Variants in ADIPOR2 observed in about 807,000 individuals in gnomAD.
ADIPOR2 encodes the protein adiponectin receptor 2, also known as adiponectin receptor protein 2.
ADIPOR2 carries 18 observed loss-of-function variants against 40.9 expected under a neutral mutation model. The observed-to-expected ratio is 0.44, with a 90% confidence interval of 0.30 to 0.65. The LOEUF (loss-of-function observed/expected upper bound fraction) is 0.65. Among genes scored for constraint, ADIPOR2 ranks in the 30% least tolerant of loss-of-function variants. The pLI is 0.09. For synonymous variants in ADIPOR2, 165 were observed against 166.4 expected (o/e 0.99, Z 0.06); for missense variants, 283 against 479.2 (o/e 0.59, Z 3.82).
At chr12:1,773,447 A>G (rs2154444194) in intron 3 of ADIPOR2, among the ~76,000 whole-genome samples, 1 of 151,068 alleles carries the variant, frequency 6.6e-6, no homozygotes, top group African/African-American at 2.4e-5. Flanking sequence ...TTCAGCTGGT[A>G]TACATTCTGT....
Position 1,784,040 on chromosome 12 carries a change from C to G in ADIPOR2, c.999C>G (p.Pro333=). Residue 333 remains proline, a synonymous_variant, in exon 7 of 8, where the codon CCC becomes CCG. Transcript: ENST00000357103. ...TGAALYAARI[P]ERFFPGKCDI... ...CTGCCCTGTATGCTGCCCGGATCCC[C>G]GAACGCTTTTTCCCTGGCAAATGTG... is the stretch of plus-strand genomic sequence containing the variant. 6.2e-7 allele frequency: 1 copy of G among 1,602,014 alleles called. No individual in the cohort carries two copies. Among genetic ancestry groups the G allele is most frequent in the Non-Finnish European group, 8.5e-7 (1 of 1,173,250 alleles).
At chr12:1,740,630 G>A (rs1057374524) in intron 1 of ADIPOR2, among the ~76,000 whole-genome samples, 1 of 152,192 alleles carries the variant, frequency 6.6e-6, no homozygotes, top group Non-Finnish European at 1.5e-5. Context: ...AGTGCACACC[G>A]CCAGGGAATT....
At position 1,781,777 on chromosome 12, in the gene ADIPOR2, A is replaced by G. The variant is rs138464319; in HGVS notation, c.838+701A>G. On this transcript the variant is annotated intron_variant, in intron 6 of 7. Transcript: ENST00000357103. ...CTTTCGTCCTTAAACCCCCAAAACC[A>G]TTTAGTATTAAAATCTAAACCCTGG... is the stretch of plus-strand genomic sequence containing the variant. 6.1e-3 allele frequency among the ~76,000 whole-genome samples: 935 copies of G among 152,302 alleles called. 10 individuals carry two copies. The highest frequency in any genetic ancestry group is 0.021 in the African/African-American group (889 of 41,568).
intron 1 of ADIPOR2, among the ~76,000 whole-genome samples, chr12:1,732,000 TA>T (rs71055189): frequency 0.8 from 118,706 of 148,448 alleles, 48,136 homozygotes; most frequent in East Asian, 0.9. Context: ...CAAGTTTATT[TA>T]AAAAAAAAAA....
intron 1 of ADIPOR2, among the ~76,000 whole-genome samples, chr12:1,752,350 T>C (rs1420988544): frequency 6.8e-6 from 1 of 147,440 alleles, no homozygotes; most frequent in Non-Finnish European, 1.5e-5. Context: ...CCTCTCACCT[T>C]GGCCTCCCTA....
At chr12:1,773,100 T>G in intron 3 of ADIPOR2, 139 bp downstream of exon 3, 1 of 1,084,694 alleles carries the variant, frequency 9.2e-7, no homozygotes, top group Non-Finnish European at 1.3e-6. Flanking sequence ...AGAAGTGGTC[T>G]TGGGACTCTA....
chr12:1,743,695 C>T (rs1203823310), intron 1 of ADIPOR2, among the ~76,000 whole-genome samples: 3 of 152,066 alleles, frequency 2.0e-5, no homozygotes, highest in Non-Finnish European at 4.4e-5. Context: ...ACCCATACAA[C>T]TCAAATTTCC....
intron 1 of ADIPOR2, among the ~76,000 whole-genome samples, chr12:1,727,900 C>T (rs1370530853): frequency 1.3e-5 from 2 of 151,250 alleles, no homozygotes; most frequent in Admixed American, 1.3e-4. Context: ...GGCTTTGTAA[C>T]TGAGGAGGTT....
intron 1 of ADIPOR2, among the ~76,000 whole-genome samples, chr12:1,723,610 A>G (rs1380092852): frequency 1.3e-5 from 2 of 152,038 alleles, no homozygotes; most frequent in African/African-American, 4.8e-5. Context: ...ACTGCATTCC[A>G]GTCTGGGTGA....
At chr12:1,758,730 T>C (rs1862203531) in intron 2 of ADIPOR2, among the ~76,000 whole-genome samples, 1 of 152,224 alleles carries the variant, frequency 6.6e-6, no homozygotes, top group East Asian at 1.9e-4. Flanking sequence ...TTTTTGTTGT[T>C]TGGAGAAAGG....
At chr12:1,732,397 G>T (rs2094722246) in intron 1 of ADIPOR2, among the ~76,000 whole-genome samples, 1 of 152,092 alleles carries the variant, frequency 6.6e-6, no homozygotes, top group Admixed American at 6.6e-5. Context: ...CATATAATTG[G>T]AGTCATATAA....
chr12:1,691,728 G>C (rs1395913539), intron 1 of ADIPOR2, among the ~76,000 whole-genome samples: 2 of 152,142 alleles, frequency 1.3e-5, no homozygotes, highest in African/African-American at 4.8e-5. Flanking sequence ...CTGGAGTCCT[G>C]TTTTCCCAAG....
intron 1 of ADIPOR2, among the ~76,000 whole-genome samples, chr12:1,733,209 T>C (rs985455596): frequency 2.0e-5 from 3 of 152,234 alleles, no homozygotes; most frequent in African/African-American, 7.2e-5. Context: ...CTGTTTGCTA[T>C]CTGAATCTTC....
At chr12:1,766,185 C>T (rs1321891666) in intron 2 of ADIPOR2, among the ~76,000 whole-genome samples, 2 of 152,070 alleles carry the variant, frequency 1.3e-5, no homozygotes, top group Non-Finnish European at 2.9e-5. Context: ...ATGGATTTAG[C>T]TAAGAAAGGA....
At chr12:1,742,005 TAA>T (rs71055190) in intron 1 of ADIPOR2, among the ~76,000 whole-genome samples, 54 of 146,480 alleles carry the variant, frequency 3.7e-4, no homozygotes, top group Admixed American at 5.4e-4. Context: ...ACTGAAAAGT[TAA>T]AAAAAAAAAA....
chr12:1,713,698 C>G (rs951262089), intron 1 of ADIPOR2, among the ~76,000 whole-genome samples: 4 of 152,010 alleles, frequency 2.6e-5, no homozygotes, highest in African/African-American at 9.7e-5. Context: ...TCAGGCATAA[C>G]AAGAAAGGCA....
At chr12:1,769,943 G>C (rs906270067) in intron 2 of ADIPOR2, among the ~76,000 whole-genome samples, 6 of 145,916 alleles carry the variant, frequency 4.1e-5, no homozygotes, top group African/African-American at 1.5e-4. Context: ...TTTGAGACAG[G>C]GTGTAGCTCT....
At chr12:1,743,208 A>G (rs1449932256) in intron 1 of ADIPOR2, among the ~76,000 whole-genome samples, 1 of 134,478 alleles carries the variant, frequency 7.4e-6, no homozygotes, top group Admixed American at 7.9e-5. Flanking sequence ...CCTGGCCAGC[A>G]TGGTGAAACC....
At chr12:1,718,984 A>G (rs1014923739) in intron 1 of ADIPOR2, among the ~76,000 whole-genome samples, 2 of 152,234 alleles carry the variant, frequency 1.3e-5, no homozygotes, top group Non-Finnish European at 2.9e-5. Flanking sequence ...GTTTGATTCG[A>G]AATGATTCTT....
Sources: allele counts gnomAD v4.1 joint callset (sites outside exome capture counted in the v4.1 genomes callset), GRCh38; gene constraint gnomAD v4.1.1; transcripts MANE v1.5; gene names NCBI Gene and HGNC (gene_info 2026-07-23, HGNC 2026-07-21).